SGCZ: variants seen among roughly 807,000 people sequenced by gnomAD.
The protein encoded by SGCZ is sarcoglycan zeta.
A neutral mutation model predicts 41.3 loss-of-function variants in SGCZ; 40 were observed. The ratio of observed to expected loss-of-function variants is 0.97; its 90% confidence interval spans 0.75 to 1.26. SGCZ has a LOEUF of 1.26. Among genes scored for constraint, SGCZ ranks in the 50% most tolerant of loss-of-function variants. The pLI is 0.00. For missense variants in SGCZ, 552 were observed against 369.8 expected, an observed-to-expected ratio of 1.49 and a Z score of -4.04; for synonymous variants, 206 against 137.5, an observed-to-expected ratio of 1.50 and a Z score of -3.49.
rs910308798 is a variant in SGCZ at position 14,704,666 on chromosome 8, T to C, written c.40-149740A>G. On this transcript the variant is annotated intron_variant, in intron 1 of 7. Coordinates refer to ENST00000382080, the MANE Select transcript of SGCZ (RefSeq NM_139167.4). ...AGGAAAGCAAGTCTGCTACAGAGAA[T>C]TGTGGTGTAACCCAGCTGCATATAC... Among the ~76,000 whole-genome samples, 9 of 151,974 alleles carry C rather than the reference T, an allele frequency of 5.9e-5. No homozygotes were observed. In the East Asian group the frequency reaches 9.6e-4, roughly 16 times the overall value.
At chr8:15,021,052 C>T (rs1803230432) in intron 1 of SGCZ, among the ~76,000 whole-genome samples, 1 of 152,138 alleles carries the variant, frequency 6.6e-6, no homozygotes, top group African/African-American at 2.4e-5. Context: ...CCAGAAAATT[C>T]ATCTGGGATC....
At chr8:14,585,152 TATG>T (rs1805017797) in intron 1 of SGCZ, among the ~76,000 whole-genome samples, 1 of 152,130 alleles carries the variant, frequency 6.6e-6, no homozygotes, top group South Asian at 2.1e-4. Context: ...AGCTTTTTGT[TATG>T]ATAACAAGGA....
intron 4 of SGCZ, among the ~76,000 whole-genome samples, chr8:14,182,475 G>C (rs1300117916): frequency 1.3e-5 from 2 of 152,170 alleles, no homozygotes; most frequent in African/African-American, 4.8e-5. Flanking sequence ...CCATCCAGGA[G>C]TGCCCTGTAT....
At chr8:14,167,891 A>G (rs375974466) in intron 4 of SGCZ, among the ~76,000 whole-genome samples, 15 of 152,330 alleles carry the variant, frequency 9.8e-5, no homozygotes, top group Admixed American at 5.9e-4. Context: ...TATGTTCTAC[A>G]GTACATCGGT....
At chr8:14,470,693 T>G (rs775894207) in intron 2 of SGCZ, among the ~76,000 whole-genome samples, 2 of 152,166 alleles carry the variant, frequency 1.3e-5, no homozygotes, top group Non-Finnish European at 2.9e-5. Context: ...ACTAAGAACC[T>G]TTCTGATGCA....
At position 14,659,841 on chromosome 8, in the gene SGCZ, G is replaced by C. The variant is rs536855900; in HGVS notation, c.40-104915C>G. Among the ~76,000 whole-genome samples the C allele has an allele frequency of 5.3e-5, 8 of 152,288 alleles. No individual in the cohort carries two copies. In the South Asian group the frequency reaches 1.7e-3, roughly 32 times the overall value. On this transcript the variant is annotated intron_variant, in intron 1 of 7. Transcript: ENST00000382080. ...GATACCTGCATGTGTACTATTTCAA[G>C]TCAGGATGAGATCATACAGGAGTAC...
chr8:14,381,656 G>C (rs555510522), intron 2 of SGCZ, among the ~76,000 whole-genome samples: 1 of 151,864 alleles, frequency 6.6e-6, no homozygotes, highest in Admixed American at 6.6e-5. Context: ...ACGTGCACCT[G>C]TAGTCCCAGC....
At chr8:14,761,539 A>ATTTATT (rs1554494679) in intron 1 of SGCZ, among the ~76,000 whole-genome samples, 3 of 135,758 alleles carry the variant, frequency 2.2e-5, no homozygotes, top group African/African-American at 8.1e-5. Flanking sequence ...TTATTTATTT[A>ATTTATT]TTTTTTTTTT....
At chr8:14,916,051 T>C (rs1446659962) in intron 1 of SGCZ, among the ~76,000 whole-genome samples, 1 of 152,186 alleles carries the variant, frequency 6.6e-6, no homozygotes, top group African/African-American at 2.4e-5. Flanking sequence ...ACGAATATGT[T>C]AATATATAAG....
At chr8:14,653,213 CAA>C (rs915317027) in intron 1 of SGCZ, among the ~76,000 whole-genome samples, 59 of 151,998 alleles carry the variant, frequency 3.9e-4, no homozygotes, top group African/African-American at 1.3e-3. Flanking sequence ...TAGTTCCGAC[CAA>C]AGCAATGTGA....
At chr8:14,602,984 C>G (rs1268812159) in intron 1 of SGCZ, among the ~76,000 whole-genome samples, 2 of 152,046 alleles carry the variant, frequency 1.3e-5, no homozygotes, top group Admixed American at 6.6e-5. Context: ...GAAGTAGAAT[C>G]AGCAGGGAAA....
At chr8:14,715,599 T>A (rs1809663550) in intron 1 of SGCZ, among the ~76,000 whole-genome samples, 1 of 151,734 alleles carries the variant, frequency 6.6e-6, no homozygotes, top group Non-Finnish European at 1.5e-5. Flanking sequence ...TAGAAGACCA[T>A]GGCCAATGGC....
intron 2 of SGCZ, among the ~76,000 whole-genome samples, chr8:14,326,259 T>C (rs1366143930): frequency 6.6e-6 from 1 of 151,938 alleles, no homozygotes; most frequent in Non-Finnish European, 1.5e-5. Context: ...ATCTTTTATG[T>C]GTTCAGGGAT....
At chr8:15,210,211 C>A (rs1056725022) in intron 1 of SGCZ, among the ~76,000 whole-genome samples, 1 of 152,136 alleles carries the variant, frequency 6.6e-6, no homozygotes, top group South Asian at 2.1e-4. Flanking sequence ...AACTGTGGAA[C>A]TGAACAAACT....
At chr8:14,607,980 T>C (rs1805806901) in intron 1 of SGCZ, among the ~76,000 whole-genome samples, 1 of 152,218 alleles carries the variant, frequency 6.6e-6, no homozygotes, top group Admixed American at 6.5e-5. Context: ...TTTGAAAGTT[T>C]CTAATGAATA....
chr8:14,931,447 T>G (rs1483202869), intron 1 of SGCZ, among the ~76,000 whole-genome samples: 1 of 152,038 alleles, frequency 6.6e-6, no homozygotes, highest in Admixed American at 6.5e-5. Flanking sequence ...TTTACTAGTG[T>G]TTCTAGAGAC....
chr8:15,033,800 C>A (rs1803775738), intron 1 of SGCZ, among the ~76,000 whole-genome samples: 1 of 152,134 alleles, frequency 6.6e-6, no homozygotes, highest in African/African-American at 2.4e-5. Context: ...TCAGGCCCAT[C>A]TGTACCAACC....
intron 1 of SGCZ, among the ~76,000 whole-genome samples, chr8:14,878,796 TGAGAA>T (rs1177430432): frequency 6.6e-6 from 1 of 152,126 alleles, no homozygotes; most frequent in Non-Finnish European, 1.5e-5. Context: ...GTAGCAGTAA[TGAGAA>T]GAGGAGTGTG....
chr8:14,471,304 T>C (rs1801207237), intron 2 of SGCZ, among the ~76,000 whole-genome samples: 1 of 152,148 alleles, frequency 6.6e-6, no homozygotes, highest in African/African-American at 2.4e-5. Context: ...TTTGCAGTGC[T>C]GAAAAATACA....
Sources: allele counts gnomAD v4.1 joint callset (sites outside exome capture counted in the v4.1 genomes callset), GRCh38; gene constraint gnomAD v4.1.1; transcripts MANE v1.5; gene names NCBI Gene and HGNC (gene_info 2026-07-23, HGNC 2026-07-21).